SLC14A2: variants seen among roughly 807,000 people sequenced by gnomAD.
SLC14A2 encodes urea transporter 2.
A neutral mutation model predicts 104.6 loss-of-function variants in SLC14A2; 91 were observed. The ratio of observed to expected loss-of-function variants is 0.87; its 90% CI spans 0.73 to 1.04. The LOEUF (loss-of-function observed/expected upper bound fraction) is 1.04. Ranked by LOEUF, SLC14A2 falls within the 50% of genes least tolerant of loss-of-function variation. The pLI, the probability that SLC14A2 is intolerant of heterozygous loss-of-function variation, is 0.00. For missense variants in SLC14A2, 1,189 were observed against 1,156.0 expected, an observed-to-expected ratio of 1.03 and a Z score of -0.41; for synonymous variants, 476 against 466.4, an observed-to-expected ratio of 1.02 and a Z score of -0.27.
At chr18:45,392,333 T>G (rs951892673) in intron 1 of SLC14A2, among the ~76,000 whole-genome samples, 1 of 152,202 alleles carries the variant, frequency 6.6e-6, no homozygotes, top group Non-Finnish European at 1.5e-5. Context: ...GAGTTTTTAC[T>G]GCTAAATATT....
chr18:45,336,743 G>A (rs180952747), intron 1 of SLC14A2, among the ~76,000 whole-genome samples: 18 of 152,214 alleles, frequency 1.2e-4, no homozygotes, highest in Non-Finnish European at 2.4e-4. Context: ...GCCTATGATG[G>A]CTCCTAGTTT....
intron 2 of SLC14A2, among the ~76,000 whole-genome samples, chr18:45,567,268 C>A (rs1254457453): frequency 6.6e-6 from 1 of 152,138 alleles, no homozygotes; most frequent in Non-Finnish European, 1.5e-5. Context: ...AATCTCAAGC[C>A]TGTGGGAAAA....
chr18:45,375,428 A>G (rs2085763344), intron 1 of SLC14A2, among the ~76,000 whole-genome samples: 1 of 152,094 alleles, frequency 6.6e-6, no homozygotes, highest in Non-Finnish European at 1.5e-5. Context: ...CCACCCAGGA[A>G]CTGACTCAGC....
intron 2 of SLC14A2, among the ~76,000 whole-genome samples, chr18:45,558,896 T>C (rs1599003863): frequency 1.3e-5 from 2 of 152,230 alleles, no homozygotes; most frequent in South Asian, 2.1e-4. Flanking sequence ...GTTCAATCGA[T>C]TCCTCTGCCT....
At chr18:45,398,590 T>C (rs112128223) in intron 1 of SLC14A2, among the ~76,000 whole-genome samples, 5 of 152,012 alleles carry the variant, frequency 3.3e-5, no homozygotes, top group African/African-American at 1.2e-4. Flanking sequence ...TGTGGTTATA[T>C]ACATATAATA....
the SLC14A2 span, among the ~76,000 whole-genome samples, chr18:45,206,387 C>T: frequency 6.6e-6 from 1 of 151,714 alleles, no homozygotes; most frequent in Admixed American, 6.6e-5. Context: ...AACAGTGACC[C>T]TCCAGAAATT....
At chr18:45,500,525 C>T (rs567742410) in intron 2 of SLC14A2, among the ~76,000 whole-genome samples, 5 of 142,762 alleles carry the variant, frequency 3.5e-5, no homozygotes, top group Non-Finnish European at 7.5e-5. Context: ...TGCAGTGAGC[C>T]GAGATCGCGC....
At position 45,517,998 on chromosome 18, in the gene SLC14A2, A is replaced by G. The variant is rs2043466627; in HGVS notation, c.-35+34676A>G. On this transcript the variant is annotated intron_variant, in intron 2 of 20. Transcript: ENST00000586448. Reference sequence around the variant, plus strand: ...ATCAATGCCATATCTTAACTTTGACATCTTAAATTAGATATCTTAACTCCA... The same window carrying G: ...ATCAATGCCATATCTTAACTTTGACGTCTTAAATTAGATATCTTAACTCCA... Among the ~76,000 whole-genome samples the G allele has an allele frequency of 4.6e-5, 7 of 152,312 alleles. No homozygotes were observed. The South Asian group carries it at 1.5e-3, about 32-fold the overall frequency.
At chr18:45,390,982 G>A (rs949441204) in intron 1 of SLC14A2, among the ~76,000 whole-genome samples, 1 of 152,220 alleles carries the variant, frequency 6.6e-6, no homozygotes, top group East Asian at 1.9e-4. Context: ...ACAATGTGCA[G>A]GTTTGTTACA....
the SLC14A2 span, among the ~76,000 whole-genome samples, chr18:45,168,425 T>C: frequency 6.6e-6 from 1 of 152,232 alleles, no homozygotes; most frequent in Non-Finnish European, 1.5e-5. Flanking sequence ...AAACACTGAG[T>C]GCCTCAGTTT....
At chr18:45,537,136 A>G (rs1671335307) in intron 2 of SLC14A2, among the ~76,000 whole-genome samples, 1 of 150,532 alleles carries the variant, frequency 6.6e-6, no homozygotes, top group South Asian at 2.1e-4. Context: ...TGTCCTAGGT[A>G]TTCTCTTCTA....
chr18:45,221,657 G>A, intron 1 of SLC14A2, among the ~76,000 whole-genome samples: 1 of 152,164 alleles, frequency 6.6e-6, no homozygotes, highest in Non-Finnish European at 1.5e-5. Flanking sequence ...GGGAGTCAAA[G>A]ACTGTCAAGT....
chr18:45,449,511 A>G lies in SLC14A2; in HGVS notation c.-124-33722A>G, dbSNP rs115510070. Among the ~76,000 whole-genome samples the G allele has an allele frequency of 3.5e-3, 530 of 152,246 alleles. 8 individuals are homozygous for G. Among genetic ancestry groups the G allele is most frequent in the African/African-American group, 0.012 (491 of 41,542 alleles). On this transcript the variant is annotated intron_variant, in intron 1 of 20. Transcript: ENST00000586448. The stretch of plus-strand genomic sequence containing the variant: ...AAAGACGATGGAGTCTCCTTTTCCT[A>G]CATCTTCCCCCAGTGCTGGACACCC...
chr18:45,674,978 A>G (rs2046202991), intron 18 of SLC14A2, among the ~76,000 whole-genome samples: 1 of 152,206 alleles, frequency 6.6e-6, no homozygotes, highest in Non-Finnish European at 1.5e-5. Context: ...AACTGCGTGT[A>G]AAAGACAAGG....
At chr18:45,337,082 C>T (rs2085345164) in intron 1 of SLC14A2, among the ~76,000 whole-genome samples, 2 of 151,704 alleles carry the variant, frequency 1.3e-5, no homozygotes, top group South Asian at 4.2e-4. Flanking sequence ...TGTATACCTC[C>T]AGCTCTAAGC....
At chr18:45,194,770 C>T in the SLC14A2 span, among the ~76,000 whole-genome samples, 6 of 151,220 alleles carry the variant, frequency 4.0e-5, no homozygotes, top group South Asian at 4.2e-4. Context: ...CTCAGCCTCC[C>T]GAGTAGCTGG....
At chr18:45,571,322 G>A (rs1005651169) in intron 2 of SLC14A2, among the ~76,000 whole-genome samples, 1 of 152,244 alleles carries the variant, frequency 6.6e-6, no homozygotes, top group Non-Finnish European at 1.5e-5. Context: ...AGGGACTGTT[G>A]CTCCCAGCTG....
chr18:45,645,400 G>A (rs1028846911), intron 10 of SLC14A2, among the ~76,000 whole-genome samples: 1 of 151,994 alleles, frequency 6.6e-6, no homozygotes, highest in Non-Finnish European at 1.5e-5. Context: ...TCTCTAAGCA[G>A]AGATTTCAGT....
At chr18:45,459,807 A>G (rs2087011023) in intron 1 of SLC14A2, among the ~76,000 whole-genome samples, 2 of 152,188 alleles carry the variant, frequency 1.3e-5, no homozygotes, top group African/African-American at 2.4e-5. Context: ...CCCCATTTAT[A>G]AGAACCTATA....
Sources: allele counts gnomAD v4.1 joint callset (sites outside exome capture counted in the v4.1 genomes callset), GRCh38; gene constraint gnomAD v4.1.1; transcripts MANE v1.5; gene names NCBI Gene and HGNC (gene_info 2026-07-23, HGNC 2026-07-21).